Variants in DCAF7 observed in about 807,000 individuals in gnomAD.
DCAF7 encodes the protein DDB1 and CUL4 associated factor 7.
A neutral mutation model predicts 41.2 loss-of-function variants in DCAF7; 4 were observed. The observed-to-expected ratio is 0.10, with a 90% CI of 0.05 to 0.22. DCAF7 has a LOEUF of 0.22. DCAF7 is among the 10% of genes least tolerant of loss of function. The probability of loss-of-function intolerance (pLI) is 1.00; values close to 1 mark genes in which losing one functional copy is unlikely to be tolerated. For synonymous variants in DCAF7, 143 were observed against 164.2 expected (o/e 0.87, Z 0.99); for missense variants, 131 against 443.2 (o/e 0.30, Z 6.32).
At chr17:63,586,537 A>C (rs2033678464) in intron 6 of DCAF7, among the ~76,000 whole-genome samples, 1 of 152,062 alleles carries the variant, frequency 6.6e-6, no homozygotes, top group South Asian at 2.1e-4. Context: ...AGGCCGAGGC[A>C]GGTGGATCAC....
At chr17:63,564,730 G>A (rs988770729) in intron 1 of DCAF7, among the ~76,000 whole-genome samples, 3 of 152,232 alleles carry the variant, frequency 2.0e-5, no homozygotes, top group Non-Finnish European at 2.9e-5. Flanking sequence ...ATGTCTGACT[G>A]TAGAGTGGTC....
rs925624922 is a variant in DCAF7 at position 63,585,226 on chromosome 17, G to A, written c.754G>A (p.Val252Ile). 12 of 1,613,796 alleles carry A rather than the reference G, an allele frequency of 7.4e-6. No individual in the cohort carries two copies. Among genetic ancestry groups the A allele is most frequent in the Non-Finnish European group, 7.6e-6 (9 of 1,179,842 alleles). The change falls in exon 6 of 7, where the codon GTC (valine) becomes ATC (isoleucine). Residue 252 changes from valine (V) to isoleucine (I), a missense_variant. Transcript: ENST00000614556. ...ATTTCCGCAGGTGGTGATTCTAGAT[G>A]TCCGGGTTCCCTGCACACCTGTCGC... Reference protein sequence around the residue: ...MDGMEVVILDVRVPCTPVARL... With the variant: ...MDGMEVVILDIRVPCTPVARL...
At chr17:63,573,856 C>G (rs1201702837) in intron 1 of DCAF7, among the ~76,000 whole-genome samples, 1 of 152,146 alleles carries the variant, frequency 6.6e-6, no homozygotes, top group Non-Finnish European at 1.5e-5. Flanking sequence ...CTCACTATCC[C>G]TTAATTTTTC....
At chr17:63,580,598 A>T (rs1015467769) in intron 4 of DCAF7, among the ~76,000 whole-genome samples, 1 of 133,118 alleles carries the variant, frequency 7.5e-6, no homozygotes, top group South Asian at 2.3e-4. Context: ...GGCTCACTGC[A>T]TCCTCTGCCT....
chr17:63,578,618 G>A lies in DCAF7; in HGVS notation c.287G>A (p.Arg96His), dbSNP rs909429261. The A allele has an allele frequency of 6.2e-7, 1 of 1,613,866 alleles. No homozygotes were observed. ...DLLATSGDYL[R>H]VWRVGETETR... is the part of the protein sequence containing the mutation. ...CTGGCAACAAGCGGTGACTATCTCC[G>A]TGTGTGGAGGGTAAGCGGATGCTTT... Residue 96 changes from arginine to histidine, a missense_variant, in exon 2 of 7, where the codon CGT (arginine) becomes CAT (histidine). Transcript: ENST00000614556.
At chr17:63,573,122 G>A (rs2033524477) in intron 1 of DCAF7, 1 of 151,908 alleles carries the variant, frequency 6.6e-6, no homozygotes, top group South Asian at 2.1e-4. Context: ...TCATGTTTTT[G>A]TTGTTGTTGT....
chr17:63,583,448 A>T (rs2033645282), intron 4 of DCAF7, 54 bp from the exon 5 acceptor site: 8 of 1,507,964 alleles, frequency 5.3e-6, no homozygotes, highest in Non-Finnish European at 7.3e-6. Context: ...TCCCTCCTAT[A>T]GGAAGAAGAG....
intron 1 of DCAF7, among the ~76,000 whole-genome samples, chr17:63,570,185 G>C (rs1230485621): frequency 1.3e-5 from 2 of 152,122 alleles, no homozygotes; most frequent in African/African-American, 4.8e-5. Context: ...AAGGCGTGAT[G>C]GCTCACACCT....
At chr17:63,571,947 G>A (rs933615277) in intron 1 of DCAF7, among the ~76,000 whole-genome samples, 1 of 151,886 alleles carries the variant, frequency 6.6e-6, no homozygotes, top group Non-Finnish European at 1.5e-5. Flanking sequence ...AACCATTGCT[G>A]TAGGCAGTAC....
rs1232217477 is a variant in DCAF7 at position 63,593,691 on chromosome 17, T to G, written c.*4519T>G. On this transcript the variant is annotated 3_prime_UTR_variant, in exon 7 of 7. Coordinates refer to ENST00000614556, the MANE Select transcript of DCAF7 (RefSeq NM_005828.5). ...TGTTGAGCTGAAGCTTTGAATCGAT[T>G]TAGTTGAGTCTGACTCACTTGCTTT... is the stretch of plus-strand genomic sequence containing the variant. 6.5e-6 allele frequency: 1 copy of G among 152,684 alleles called. No individual in the cohort carries two copies. Among genetic ancestry groups the G allele is most frequent in the African/African-American group, 2.4e-5 (1 of 41,464 alleles). The allele number at this position is 152,684 out of a possible 1,614,324, so 9.5% of individuals were successfully genotyped here.
At chr17:63,559,313 ATATATATG>A (rs2033344208) in intron 1 of DCAF7, among the ~76,000 whole-genome samples, 1 of 93,220 alleles carries the variant, frequency 1.1e-5, no homozygotes, top group Admixed American at 1.1e-4. Context: ...CCATATATAT[ATATATATG>A]TATATATATA....
intron 1 of DCAF7, among the ~76,000 whole-genome samples, chr17:63,553,239 G>C (rs960319258): frequency 5.3e-5 from 8 of 152,114 alleles, no homozygotes; most frequent in African/African-American, 1.9e-4. Context: ...AGGGTAAACA[G>C]CATTTCAAGA....
intron 4 of DCAF7, among the ~76,000 whole-genome samples, chr17:63,580,698 T>C (rs1054863216): frequency 5.3e-5 from 8 of 152,060 alleles, no homozygotes; most frequent in Non-Finnish European, 1.5e-5. Context: ...TTTGTATTTT[T>C]TAGCAGAGAC....
chr17:63,559,369 ATATATGTG>A (rs2033348904), intron 1 of DCAF7, among the ~76,000 whole-genome samples: 1 of 83,104 alleles, frequency 1.2e-5, no homozygotes, highest in Non-Finnish European at 2.3e-5. Flanking sequence ...GTATGTATAT[ATATATGTG>A]TATATATATG....
At chr17:63,563,567 T>G (rs557382303) in intron 1 of DCAF7, among the ~76,000 whole-genome samples, 1 of 152,184 alleles carries the variant, frequency 6.6e-6, no homozygotes, top group African/African-American at 2.4e-5. Context: ...TGGCTGGGCG[T>G]GGTGGCTCAT....
intron 6 of DCAF7, among the ~76,000 whole-genome samples, chr17:63,586,094 C>T (rs145199187): frequency 0.013 from 1,820 of 139,284 alleles, 28 homozygotes; most frequent in African/African-American, 0.046. Flanking sequence ...CACTGCCCTC[C>T]AGCCAGGGCA....
chr17:63,562,695 C>G (rs1448372204), intron 1 of DCAF7, among the ~76,000 whole-genome samples: 185 of 125,372 alleles, frequency 1.5e-3, no homozygotes, highest in Non-Finnish European at 2.5e-3. Flanking sequence ...CCCCTCCCCC[C>G]ACCCCACAAC....
At chr17:63,567,380 A>G (rs2033454880) in intron 1 of DCAF7, among the ~76,000 whole-genome samples, 1 of 152,240 alleles carries the variant, frequency 6.6e-6, no homozygotes, top group Admixed American at 6.5e-5. Context: ...TTGGAGCAGA[A>G]GAGCCAGTGT....
In DCAF7 at chr17:63,559,332, T is replaced by C. The variant is rs199561645; in HGVS notation, c.138+8517T>C. 1.4e-3 allele frequency among the ~76,000 whole-genome samples: 107 copies of C among 74,816 alleles called. 1 individual carries two copies. The highest frequency in any genetic ancestry group is 5.2e-3 in the African/African-American group (58 of 11,120). 49.1% of individuals were successfully genotyped at this position (74,816 alleles called of 152,430 possible). On this transcript the variant is annotated intron_variant, in intron 1 of 6. Coordinates refer to ENST00000614556, the MANE Select transcript of DCAF7 (RefSeq NM_005828.5). ...ATATATATATATATGTATATATATATACATACATATATATACGTATATATA... is the reference window on the plus strand; with the variant it reads ...ATATATATATATATGTATATATATACACATACATATATATACGTATATATA...
Sources: gnomAD v4.1 joint callset for allele counts (sites outside exome capture counted in the v4.1 genomes callset) on GRCh38, gnomAD v4.1.1 for gene constraint, MANE v1.5 for transcripts, NCBI Gene and HGNC (gene_info 2026-07-23, HGNC 2026-07-21) for gene names.